The following MAML2 variants were observed in gnomAD, a reference collection of about 807,000 sequenced individuals.
MAML2 encodes the protein mastermind like transcriptional coactivator 2, also known as mastermind-like protein 2.
MAML2 carries 22 observed loss-of-function variants against 96.1 expected under a neutral mutation model. The ratio of observed to expected loss-of-function variants is 0.23; its 90% CI spans 0.16 to 0.33. The LOEUF is 0.33. MAML2 is among the 10% of genes least tolerant of loss of function. The pLI, the probability that MAML2 is intolerant of heterozygous loss-of-function variation, is 1.00. For synonymous variants in MAML2, 561 were observed against 521.3 expected, an observed-to-expected ratio of 1.08 and a Z score of -1.04; for missense variants, 1,367 against 1,392.4, an observed-to-expected ratio of 0.98 and a Z score of 0.29.
rs12289484 is a variant in MAML2 at position 96,109,866 on chromosome 11, G to T, written c.514-16349C>A. On this transcript the variant is annotated intron_variant, in intron 1 of 4. Coordinates refer to ENST00000524717, the MANE Select transcript of MAML2 (RefSeq NM_032427.4). ...CTGTCTGTGCAGATTGGGTTGAAAT[G>T]CACATAAGCATTGGTTGAAGGAATG... is the stretch of plus-strand genomic sequence containing the variant. 2.3e-3 allele frequency among the ~76,000 whole-genome samples: 343 copies of T among 152,082 alleles called. 3 individuals are homozygous for T. Among genetic ancestry groups the T allele is most frequent in the African/African-American group, 6.0e-3 (247 of 41,482 alleles).
rs118187911 is a variant in MAML2 at position 96,219,917 on chromosome 11, C to T, written c.513+121466G>A. ...GAGATTACAGGTGTGAGCCAACATA[C>T]TCAGCCATCAGTTTATTATTTTTAA... On this transcript the variant is annotated intron_variant, in intron 1 of 4. Transcript: ENST00000524717. Among the ~76,000 whole-genome samples, 1,164 of 152,272 alleles carry T rather than the reference C, an allele frequency of 7.6e-3. 4 individuals are homozygous for T. The highest frequency in any genetic ancestry group is 0.01 in the Non-Finnish European group (708 of 68,022).
chr11:96,118,219 T>C (rs781065615), intron 1 of MAML2, among the ~76,000 whole-genome samples: 1 of 152,176 alleles, frequency 6.6e-6, no homozygotes, highest in East Asian at 1.9e-4. Flanking sequence ...ACTGTCTTTT[T>C]CATCTGCAAA....
chr11:96,109,457 G>A (rs1470819321), intron 1 of MAML2, among the ~76,000 whole-genome samples: 1 of 152,204 alleles, frequency 6.6e-6, no homozygotes, highest in Admixed American at 6.5e-5. Flanking sequence ...GAAGATGGAT[G>A]AGGTGTCAGC....
intron 2 of MAML2, among the ~76,000 whole-genome samples, chr11:96,082,213 G>C (rs1859538479): frequency 6.6e-6 from 1 of 152,140 alleles, no homozygotes; most frequent in African/African-American, 2.4e-5. Flanking sequence ...TGTAATGAGA[G>C]ATGCAAAATG....
At chr11:95,988,585 T>G (rs1045804034) in intron 3 of MAML2, among the ~76,000 whole-genome samples, 1 of 148,010 alleles carries the variant, frequency 6.8e-6, no homozygotes, top group African/African-American at 2.5e-5. Context: ...ATATAATATT[T>G]ATATTACATA....
chr11:96,256,924 A>T (rs1259279842), intron 1 of MAML2, among the ~76,000 whole-genome samples: 1 of 152,238 alleles, frequency 6.6e-6, no homozygotes, highest in East Asian at 1.9e-4. Context: ...CACCCCAGTA[A>T]GAAAGAAATG....
chr11:96,200,426 C>A (rs901755975), intron 1 of MAML2, among the ~76,000 whole-genome samples: 6 of 152,188 alleles, frequency 3.9e-5, no homozygotes, highest in African/African-American at 1.4e-4. Flanking sequence ...AGTGAGACTT[C>A]ATTCTTTTTC....
intron 1 of MAML2, among the ~76,000 whole-genome samples, chr11:96,134,738 C>T (rs79040955): frequency 0.093 from 14,190 of 152,246 alleles, 895 homozygotes; most frequent in Non-Finnish European, 0.14. Flanking sequence ...GCCAGTATTG[C>T]TTTTATTTCC....
At chr11:96,149,826 G>A (rs1368490044) in intron 1 of MAML2, among the ~76,000 whole-genome samples, 3 of 151,752 alleles carry the variant, frequency 2.0e-5, no homozygotes, top group Admixed American at 6.6e-5. Flanking sequence ...GTCTTCTCTC[G>A]GTCTCCTTCT....
intron 1 of MAML2, among the ~76,000 whole-genome samples, chr11:96,175,374 G>A (rs1384112284): frequency 6.6e-6 from 1 of 152,122 alleles, no homozygotes. Context: ...ATTAATTTTT[G>A]TATGATGTGC....
At chr11:96,332,980 C>T (rs1385498306) in intron 1 of MAML2, among the ~76,000 whole-genome samples, 1 of 152,070 alleles carries the variant, frequency 6.6e-6, no homozygotes, top group African/African-American at 2.4e-5. Context: ...AGGTTGTAGC[C>T]GACTTTTGCC....
chr11:96,295,526 G>C (rs1863281668), intron 1 of MAML2, among the ~76,000 whole-genome samples: 1 of 152,098 alleles, frequency 6.6e-6, no homozygotes, highest in Non-Finnish European at 1.5e-5. Flanking sequence ...CTATCATCTG[G>C]AATGTTTCAT....
intron 4 of MAML2, 62 bp from the exon 5 acceptor site, chr11:95,980,025 C>G (rs556620210): frequency 1.0e-4 from 130 of 1,301,634 alleles, no homozygotes; most frequent in Non-Finnish European, 1.3e-4. Flanking sequence ...TGTAACTGCA[C>G]TTTTCAATAA....
At chr11:96,285,165 A>G (rs1799108177) in intron 1 of MAML2, among the ~76,000 whole-genome samples, 1 of 152,224 alleles carries the variant, frequency 6.6e-6, no homozygotes, top group African/African-American at 2.4e-5. Flanking sequence ...TTCTCTTAAC[A>G]GATATATGAA....
chr11:96,035,617 A>T (rs1858698443), intron 2 of MAML2, among the ~76,000 whole-genome samples: 1 of 152,216 alleles, frequency 6.6e-6, no homozygotes, highest in African/African-American at 2.4e-5. Flanking sequence ...GAAGCAAGAG[A>T]TCATGAGATC....
chr11:96,207,495 G>A (rs922989504), intron 1 of MAML2, among the ~76,000 whole-genome samples: 1 of 152,176 alleles, frequency 6.6e-6, no homozygotes, highest in African/African-American at 2.4e-5. Context: ...TGCCTGGGGC[G>A]GCCTCTTTTA....
At chr11:96,247,880 A>C (rs1352924139) in intron 1 of MAML2, among the ~76,000 whole-genome samples, 1 of 152,098 alleles carries the variant, frequency 6.6e-6, no homozygotes, top group East Asian at 1.9e-4. Context: ...CCACCAACAC[A>C]TCTGACCACT....
At chr11:96,296,329 T>C (rs761232254) in intron 1 of MAML2, among the ~76,000 whole-genome samples, 1 of 151,986 alleles carries the variant, frequency 6.6e-6, no homozygotes, top group African/African-American at 2.4e-5. Context: ...AAGTTCACAG[T>C]GAAGTATAAA....
At chr11:96,244,550 G>T (rs1319576136) in intron 1 of MAML2, among the ~76,000 whole-genome samples, 13 of 152,142 alleles carry the variant, frequency 8.5e-5, no homozygotes, top group Admixed American at 8.5e-4. Context: ...CATATATATC[G>T]ATTATTGTTT....
Sources: allele counts gnomAD v4.1 joint callset (sites outside exome capture counted in the v4.1 genomes callset), GRCh38; gene constraint gnomAD v4.1.1; transcripts MANE v1.5; gene names NCBI Gene and HGNC (gene_info 2026-07-23, HGNC 2026-07-21).